Variants in HS3ST4 observed in about 807,000 individuals in gnomAD.
The protein encoded by HS3ST4 is heparan sulfate glucosamine 3-O-sulfotransferase 4.
Under a neutral mutation model 29.2 loss-of-function variants are expected in HS3ST4, and 17 were observed. That is an observed-to-expected ratio of 0.58 (90% CI 0.40 to 0.87). HS3ST4 has a LOEUF of 0.87. Among genes scored for constraint, HS3ST4 ranks in the 40% least tolerant of loss-of-function variants. HS3ST4 has a pLI of 0.00. For missense variants in HS3ST4, 627 were observed against 634.5 expected, an observed-to-expected ratio of 0.99 and a Z score of 0.13; for synonymous variants, 314 against 285.7, an observed-to-expected ratio of 1.10 and a Z score of -1.00.
intron 1 of HS3ST4, among the ~76,000 whole-genome samples, chr16:26,101,063 C>T (rs903747891): frequency 1.3e-5 from 2 of 152,192 alleles, no homozygotes; most frequent in Non-Finnish European, 2.9e-5. Context: ...TTCAGTCTGT[C>T]AACAGAAACC....
intron 1 of HS3ST4, among the ~76,000 whole-genome samples, chr16:25,898,513 G>A (rs1342592746): frequency 1.3e-5 from 2 of 152,180 alleles, no homozygotes; most frequent in Admixed American, 1.3e-4. Flanking sequence ...CATGACTGCT[G>A]TCATATAGTA....
chr16:25,825,202 C>T (rs762086329), intron 1 of HS3ST4, among the ~76,000 whole-genome samples: 13 of 152,176 alleles, frequency 8.5e-5, no homozygotes, highest in Non-Finnish European at 1.2e-4. Flanking sequence ...CAGCAACCAC[C>T]GGAAGTTAGG....
At chr16:25,781,188 A>G (rs1012927955) in intron 1 of HS3ST4, among the ~76,000 whole-genome samples, 1 of 152,172 alleles carries the variant, frequency 6.6e-6, no homozygotes, top group Non-Finnish European at 1.5e-5. Flanking sequence ...AAGGAGAGGA[A>G]AGGAGGACAT....
At chr16:26,065,333 T>C (rs1898530023) in intron 1 of HS3ST4, among the ~76,000 whole-genome samples, 1 of 152,182 alleles carries the variant, frequency 6.6e-6, no homozygotes, top group African/African-American at 2.4e-5. Context: ...GGGACATGGA[T>C]GGAGCTGTAG....
chr16:25,702,950 A>C (rs965945492), intron 1 of HS3ST4, among the ~76,000 whole-genome samples: 1 of 152,050 alleles, frequency 6.6e-6, no homozygotes, highest in East Asian at 1.9e-4. Context: ...CACAGGGTCA[A>C]GAGATTGAGA....
chr16:25,767,219 T>C (rs1176120196), intron 1 of HS3ST4, among the ~76,000 whole-genome samples: 1 of 152,226 alleles, frequency 6.6e-6, no homozygotes, highest in Non-Finnish European at 1.5e-5. Flanking sequence ...GATAAGGCAA[T>C]GCCATAGTCA....
chr16:26,025,015 A>G (rs1319944793), intron 1 of HS3ST4, among the ~76,000 whole-genome samples: 3 of 152,140 alleles, frequency 2.0e-5, no homozygotes, highest in East Asian at 3.9e-4. Context: ...AAAGTTACTA[A>G]TGGGTAAAGT....
intron 1 of HS3ST4, among the ~76,000 whole-genome samples, chr16:25,730,452 T>TCTTC (rs1265392093): frequency 1.5e-5 from 2 of 133,360 alleles, no homozygotes; most frequent in African/African-American, 5.6e-5. Context: ...CTCTCTCCCT[T>TCTTC]CTTCCTTCCT....
At chr16:25,937,786 A>C (rs1968531585) in intron 1 of HS3ST4, among the ~76,000 whole-genome samples, 1 of 152,124 alleles carries the variant, frequency 6.6e-6, no homozygotes, top group South Asian at 2.1e-4. Flanking sequence ...GTACTCATTT[A>C]CCCCTTGTAT....
chr16:25,831,861 T>C (rs543327919), intron 1 of HS3ST4, among the ~76,000 whole-genome samples: 1 of 151,932 alleles, frequency 6.6e-6, no homozygotes, highest in South Asian at 2.1e-4. Flanking sequence ...ATCCCGGCCC[T>C]TTGAGAGGTC....
chr16:25,955,135 C>T (rs2141698844), intron 1 of HS3ST4, among the ~76,000 whole-genome samples: 1 of 152,234 alleles, frequency 6.6e-6, no homozygotes, highest in Admixed American at 6.5e-5. Flanking sequence ...ACATCCCTCC[C>T]TTGTCATTCA....
intron 1 of HS3ST4, among the ~76,000 whole-genome samples, chr16:25,917,601 A>G (rs141217273): frequency 2.0e-5 from 3 of 152,282 alleles, no homozygotes; most frequent in Non-Finnish European, 4.4e-5. Context: ...TTTCTATTGT[A>G]TGTGTGTTGG....
At chr16:26,107,794 GA>G (rs1245197313) in intron 1 of HS3ST4, among the ~76,000 whole-genome samples, 1 of 152,148 alleles carries the variant, frequency 6.6e-6, no homozygotes, top group African/African-American at 2.4e-5. Context: ...CTCATCGGTT[GA>G]TAGGCTCTTA....
Position 25,692,624 on chromosome 16 carries a change from G to A in HS3ST4, c.207G>A (p.Pro69=). 3.7e-6 allele frequency: 5 copies of A among 1,368,436 alleles called. No homozygotes were observed. The highest frequency in any genetic ancestry group is 4.8e-6 in the Non-Finnish European group (5 of 1,050,874). 84.8% of individuals were successfully genotyped at this position (1,368,436 alleles called of 1,614,324 possible). The change falls in exon 1 of 2, where the codon CCG becomes CCA. Residue 69 remains proline (P), a synonymous_variant. Coordinates refer to ENST00000331351, the MANE Select transcript of HS3ST4 (RefSeq NM_006040.3). ...LQFPLALQES[P]GAAAEPPPSP... Reference sequence around the variant, plus strand: ...TCCCTCTGGCGCTGCAGGAGTCGCCGGGCGCCGCCGCCGAGCCCCCGCCGA... The same window carrying A: ...TCCCTCTGGCGCTGCAGGAGTCGCCAGGCGCCGCCGCCGAGCCCCCGCCGA...
chr16:25,876,114 T>G (rs1431565321), intron 1 of HS3ST4, among the ~76,000 whole-genome samples: 1 of 152,158 alleles, frequency 6.6e-6, no homozygotes, highest in East Asian at 1.9e-4. Context: ...CACCAGTCTC[T>G]TCATTCATTT....
At chr16:25,821,402 A>T (rs1027235137) in intron 1 of HS3ST4, among the ~76,000 whole-genome samples, 2 of 152,110 alleles carry the variant, frequency 1.3e-5, no homozygotes, top group Non-Finnish European at 2.9e-5. Flanking sequence ...TGACAGGTTT[A>T]CTTATGTCCT....
chr16:26,113,015 C>G (rs542745565), intron 1 of HS3ST4, among the ~76,000 whole-genome samples: 3 of 152,114 alleles, frequency 2.0e-5, no homozygotes, highest in Non-Finnish European at 4.4e-5. Flanking sequence ...CAGCCTTGTT[C>G]ATGAAGCAAA....
intron 1 of HS3ST4, among the ~76,000 whole-genome samples, chr16:25,942,732 C>T (rs987319098): frequency 1.1e-4 from 16 of 151,572 alleles, no homozygotes; most frequent in African/African-American, 3.4e-4. Context: ...GATCCTTCTG[C>T]CTCAGCCTCC....
intron 1 of HS3ST4, among the ~76,000 whole-genome samples, chr16:25,762,894 A>AAG (rs1555464555): frequency 1.5e-4 from 22 of 148,164 alleles, no homozygotes; most frequent in South Asian, 8.4e-4. Context: ...AAAAAAAAAA[A>AAG]AAAAAGAAAA....
Sources: allele counts gnomAD v4.1 joint callset (sites outside exome capture counted in the v4.1 genomes callset), GRCh38; gene constraint gnomAD v4.1.1; transcripts MANE v1.5; gene names NCBI Gene and HGNC (gene_info 2026-07-23, HGNC 2026-07-21).